Variants in AHRR observed in about 807,000 individuals in gnomAD.
AHRR encodes the protein aryl hydrocarbon receptor repressor.
AHRR carries 28 observed loss-of-function variants against 44.0 expected under a neutral mutation model. The observed-to-expected ratio is 0.64, with a 90% CI of 0.47 to 0.87. The LOEUF (loss-of-function observed/expected upper bound fraction) is 0.87. AHRR is among the 40% of genes least tolerant of loss of function. The pLI is 0.00. For missense variants in AHRR, 990 were observed against 953.9 expected, an observed-to-expected ratio of 1.04 and a Z score of -0.50; for synonymous variants, 434 against 407.0, an observed-to-expected ratio of 1.07 and a Z score of -0.80.
chr5:397,007 CGTT>C lies in AHRR; in HGVS notation c.352-16336_352-16334del, dbSNP rs1560906751. Among the ~76,000 whole-genome samples, 171 of 143,978 alleles carry C rather than the reference CGTT, an allele frequency of 1.2e-3. 1 individual carries two copies. Among genetic ancestry groups the C allele is most frequent in the African/African-American group, 4.3e-3 (159 of 36,808 alleles). 94.5% of individuals were successfully genotyped at this position (143,978 alleles called of 152,430 possible). A position where few individuals can be genotyped will look rare whatever the true frequency, so the allele number is the denominator to read the frequency against. ...GTCCATGTTAGCCCCTGACCATCCACGTTAGCCCCTGACCATCCATGTAGCCCC... is the reference window on the plus strand; with the variant it reads ...GTCCATGTTAGCCCCTGACCATCCACAGCCCCTGACCATCCATGTAGCCCC... On this transcript the variant is annotated intron_variant, in intron 4 of 10. Coordinates refer to ENST00000684583, the MANE Select transcript of AHRR (RefSeq NM_001377236.1).
At chr5:399,013 C>T (rs2126489641) in intron 4 of AHRR, among the ~76,000 whole-genome samples, 1 of 152,402 alleles carries the variant, frequency 6.6e-6, no homozygotes, top group African/African-American at 2.4e-5. Flanking sequence ...CACCTCTCGG[C>T]CTCATGGCTG....
rs141357680 is a variant in AHRR at position 345,441 on chromosome 5, GGTGT to G, written c.62+1492_62+1495del. ...GTGTGTGTGTGGGTGTGCGTGTGTGGGTGTGTGTGTGTGTGTGTCGGATGATGTC... is the reference window on the plus strand; with the variant it reads ...GTGTGTGTGTGGGTGTGCGTGTGTGGGTGTGTGTGTGTGTCGGATGATGTC... On this transcript the variant is annotated intron_variant, in intron 2 of 10. Transcript: ENST00000684583. 4.5e-4 allele frequency among the ~76,000 whole-genome samples: 37 copies of G among 81,546 alleles called. 1 individual carries two copies. The highest frequency in any genetic ancestry group is 8.5e-4 in the African/African-American group (6 of 7,050). The allele number at this position is 81,546 out of a possible 152,430, so 53.5% of individuals were successfully genotyped here. A position where few individuals can be genotyped will look rare whatever the true frequency, so the allele number is the denominator to read the frequency against.
chr5:341,585 G>A (rs532365739), intron 1 of AHRR, among the ~76,000 whole-genome samples: 7 of 146,524 alleles, frequency 4.8e-5, no homozygotes, highest in Admixed American at 3.4e-4. Context: ...GGAGTGCAGC[G>A]GTGTTGGCTC....
intron 4 of AHRR, among the ~76,000 whole-genome samples, chr5:389,545 G>A (rs1025385814): frequency 6.6e-6 from 1 of 152,018 alleles, no homozygotes; most frequent in Non-Finnish European, 1.5e-5. Flanking sequence ...AGCCACCCAG[G>A]TCCCCCCATT....
At position 376,640 on chromosome 5, in the gene AHRR, C is replaced by T. The variant is rs754366584; in HGVS notation, c.275C>T (p.Ala92Val). ...VVQEQSSRQP[A>V]AGAPSPGDSC... Reference sequence around the variant, plus strand: ...CAGGAGCAGAGCTCACGGCAGCCTGCGGCCGGCGCCCCCTCGCCCGGAGAC... The same window carrying T: ...CAGGAGCAGAGCTCACGGCAGCCTGTGGCCGGCGCCCCCTCGCCCGGAGAC... The change falls in exon 4 of 11, where the codon GCG becomes GTG. Residue 92 changes from alanine (A) to valine (V), a missense_variant. Transcript: ENST00000684583. 5.4e-5 allele frequency: 59 copies of T among 1,096,078 alleles called. No homozygotes were observed. The highest frequency in any genetic ancestry group is 1.3e-4 in the African/African-American group (5 of 39,542). The allele number at this position is 1,096,078 out of a possible 1,614,324, so 67.9% of individuals were successfully genotyped here.
intron 4 of AHRR, among the ~76,000 whole-genome samples, chr5:396,412 G>T (rs977850594): frequency 3.0e-4 from 46 of 152,230 alleles, no homozygotes; most frequent in Non-Finnish European, 5.7e-4. Context: ...TGAGGCGGGC[G>T]GCCCCAGCCT....
At chr5:400,093 G>A (rs907125507) in intron 4 of AHRR, among the ~76,000 whole-genome samples, 2 of 152,216 alleles carry the variant, frequency 1.3e-5, no homozygotes, top group East Asian at 1.9e-4. Flanking sequence ...CTCCGTAACC[G>A]TGGCAACGGC....
At position 326,225 on chromosome 5, in the gene AHRR, G is replaced by A. The variant is rs949270510; in HGVS notation, c.-11+4406G>A. ...GCTCCAAAACCTCTTCATCGCCTCC[G>A]GCAGTGCTCACCCACCAGGCAGTCA... is the stretch of plus-strand genomic sequence containing the variant. On this transcript the variant is annotated intron_variant, in intron 1 of 10. Transcript: ENST00000684583. The surrounding 1 kb of genome is among the most constrained non-coding windows in gnomAD (Gnocchi z 4.1). Among the ~76,000 whole-genome samples the A allele has an allele frequency of 3.9e-4, 59 of 152,152 alleles. No homozygotes were observed. The highest frequency in any genetic ancestry group is 1.1e-3 in the African/African-American group (44 of 41,438).
intron 3 of AHRR, among the ~76,000 whole-genome samples, chr5:369,777 T>C (rs1164394862): frequency 6.6e-6 from 1 of 152,210 alleles, no homozygotes. Flanking sequence ...GCAAATACCA[T>C]TTGTGGCCAT....
At chr5:369,230 G>A (rs1431000296) in intron 3 of AHRR, among the ~76,000 whole-genome samples, 1 of 152,168 alleles carries the variant, frequency 6.6e-6, no homozygotes, top group Non-Finnish European at 1.5e-5. Context: ...ACCCGCCCAT[G>A]TGTCAAGAGC....
chr5:416,364 G>A (rs748089867), intron 5 of AHRR, among the ~76,000 whole-genome samples: 16 of 152,372 alleles, frequency 1.1e-4, no homozygotes, highest in East Asian at 9.6e-4. Flanking sequence ...GCCAGACCAC[G>A]GGGCCACTGA....
In AHRR at chr5:395,304, C is replaced by T. The variant is rs539862759; in HGVS notation, c.352-18040C>T. 1.4e-4 allele frequency among the ~76,000 whole-genome samples: 21 copies of T among 152,292 alleles called. No individual in the cohort carries two copies. Among genetic ancestry groups the T allele is most frequent in the African/African-American group, 4.6e-4 (19 of 41,568 alleles). On this transcript the variant is annotated intron_variant, in intron 4 of 10. Coordinates refer to ENST00000684583, the MANE Select transcript of AHRR (RefSeq NM_001377236.1). This position sits in a 1 kb window ranked among gnomAD's most constrained non-coding sequence, Gnocchi z 5.3. ...GAGGGGGCCTGGGAGACACGAGCCCCGGTGGTGGGATGCAGTTAGCTGAAC... is the reference window on the plus strand; with the variant it reads ...GAGGGGGCCTGGGAGACACGAGCCCTGGTGGTGGGATGCAGTTAGCTGAAC...
chr5:404,907 G>A lies in AHRR; in HGVS notation c.352-8437G>A, dbSNP rs551783576. Among the ~76,000 whole-genome samples the A allele has an allele frequency of 1.1e-4, 16 of 152,284 alleles. No homozygotes were observed. Among genetic ancestry groups the A allele is most frequent in the African/African-American group, 3.4e-4 (14 of 41,560 alleles). On this transcript the variant is annotated intron_variant, in intron 4 of 10. Transcript: ENST00000684583. This position sits in a 1 kb window ranked among gnomAD's most constrained non-coding sequence, Gnocchi z 4.1. Reference sequence around the variant, plus strand: ...GAGTAGCAGGCTCAGTCCATTTTGAGGAGGCTGGCACGAGGCTGTCTTCAC... The same window carrying A: ...GAGTAGCAGGCTCAGTCCATTTTGAAGAGGCTGGCACGAGGCTGTCTTCAC...
At chr5:396,943 CT>C (rs1734732372) in intron 4 of AHRR, among the ~76,000 whole-genome samples, 2 of 152,098 alleles carry the variant, frequency 1.3e-5, no homozygotes, top group African/African-American at 4.8e-5. Flanking sequence ...CTCTCTGTGA[CT>C]TTTAGATCTC....
At chr5:408,378 G>A (rs1735351458) in intron 4 of AHRR, among the ~76,000 whole-genome samples, 1 of 146,550 alleles carries the variant, frequency 6.8e-6, no homozygotes, top group Admixed American at 6.7e-5. Flanking sequence ...CTATTTTCCT[G>A]AGCCTTTTTT....
intron 4 of AHRR, among the ~76,000 whole-genome samples, chr5:378,016 A>C (rs1179945243): frequency 3.3e-5 from 5 of 152,226 alleles, no homozygotes; most frequent in Non-Finnish European, 1.5e-5. Flanking sequence ...CCGAAGTCTC[A>C]GTCCACTGCA....
intron 4 of AHRR, among the ~76,000 whole-genome samples, chr5:408,544 A>G (rs1735359333): frequency 6.6e-6 from 1 of 151,940 alleles, no homozygotes; most frequent in African/African-American, 2.4e-5. Context: ...CTGCTTGGCT[A>G]TTGGTGTATT....
intron 4 of AHRR, among the ~76,000 whole-genome samples, chr5:398,397 CT>C (rs1734859495): frequency 7.4e-6 from 1 of 135,856 alleles, no homozygotes; most frequent in African/African-American, 2.8e-5. Context: ...TGGTTAGCCC[CT>C]GACTGTCCAC....
intron 1 of AHRR, among the ~76,000 whole-genome samples, chr5:327,532 G>T (rs1427565621): frequency 2.6e-5 from 4 of 152,116 alleles, no homozygotes; most frequent in Admixed American, 1.3e-4. Context: ...TTCCATCCAT[G>T]TTGCTGCAAA....
Sources: gnomAD v4.1 joint callset for allele counts (sites outside exome capture counted in the v4.1 genomes callset) on GRCh38, gnomAD v4.1.1 for gene constraint, Gnocchi (gnomAD v3.1) non-coding constraint, MANE v1.5 for transcripts, NCBI Gene and HGNC (gene_info 2026-07-23, HGNC 2026-07-21) for gene names.